The following GRM7 variants were observed in gnomAD, a reference collection of about 807,000 sequenced individuals.
GRM7 encodes glutamate metabotropic receptor 7.
Under a neutral mutation model 84.5 loss-of-function variants are expected in GRM7, and 35 were observed. The observed-to-expected ratio is 0.41, with a 90% CI of 0.32 to 0.55. The LOEUF (loss-of-function observed/expected upper bound fraction) is 0.55, where lower values mean the gene tolerates loss of function less well. GRM7 is among the 20% of genes least tolerant of loss of function. The pLI is 0.19. For missense variants in GRM7, 1,003 were observed against 1,194.6 expected (o/e 0.84, Z 2.36); for synonymous variants, 487 against 455.1 (o/e 1.07, Z -0.89).
At chr3:7,265,831 T>A (rs1005967766) in intron 2 of GRM7, among the ~76,000 whole-genome samples, 3 of 152,326 alleles carry the variant, frequency 2.0e-5, no homozygotes, top group African/African-American at 7.2e-5. Flanking sequence ...TCTTTTTCAG[T>A]TTCCACAAAT....
intron 4 of GRM7, among the ~76,000 whole-genome samples, chr3:7,370,343 A>C (rs1344352794): frequency 6.6e-6 from 1 of 152,116 alleles, no homozygotes; most frequent in East Asian, 1.9e-4. Context: ...ATATGGATCC[A>C]GATTGGAGAA....
At chr3:7,639,719 A>G (rs960643476) in intron 8 of GRM7, among the ~76,000 whole-genome samples, 29 of 152,180 alleles carry the variant, frequency 1.9e-4, no homozygotes, top group Non-Finnish European at 1.5e-4. Flanking sequence ...ATAATTTTAT[A>G]TATGTCATAA....
intron 2 of GRM7, among the ~76,000 whole-genome samples, chr3:7,154,129 T>G (rs1438540247): frequency 6.0e-4 from 91 of 152,338 alleles, no homozygotes; most frequent in Non-Finnish European, 5.9e-5. Context: ...TGGAAAATTG[T>G]CTTCCAAGCA....
intron 1 of GRM7, among the ~76,000 whole-genome samples, chr3:7,044,701 G>T (rs1377398653): frequency 6.6e-6 from 1 of 151,980 alleles, no homozygotes; most frequent in Non-Finnish European, 1.5e-5. Context: ...TGGAAATGTG[G>T]TGTAGTGCCG....
intron 7 of GRM7, among the ~76,000 whole-genome samples, chr3:7,559,941 C>T (rs1426934214): frequency 6.6e-6 from 1 of 152,010 alleles, no homozygotes; most frequent in African/African-American, 2.4e-5. Context: ...TTGTGGACAC[C>T]AGTTCTATTG....
intron 1 of GRM7, among the ~76,000 whole-genome samples, chr3:7,031,677 A>G (rs1225394830): frequency 2.0e-5 from 3 of 152,004 alleles, no homozygotes; most frequent in Non-Finnish European, 2.9e-5. Context: ...TTTTTTTATT[A>G]TACTTGTCAT....
chr3:6,869,581 G>GTCTATCTATCTATCTA (rs140514964), intron 1 of GRM7, among the ~76,000 whole-genome samples: 268 of 150,770 alleles, frequency 1.8e-3, no homozygotes, highest in Middle Eastern at 0.01. Context: ...CTATCTATCT[G>GTCTATCTATCTATCTA]TCTATCTATC....
intron 1 of GRM7, among the ~76,000 whole-genome samples, chr3:6,881,649 A>G (rs1266658173): frequency 1.3e-5 from 2 of 151,236 alleles, no homozygotes; most frequent in Non-Finnish European, 3.0e-5. Context: ...GATACTTCTC[A>G]AAAGAAGACA....
intron 1 of GRM7, among the ~76,000 whole-genome samples, chr3:6,985,519 A>G (rs1396823543): frequency 6.6e-6 from 1 of 152,154 alleles, no homozygotes; most frequent in African/African-American, 2.4e-5. Flanking sequence ...TTTCACAAAT[A>G]TGTTGTTTCA....
At chr3:7,362,625 T>G (rs936349403) in intron 4 of GRM7, among the ~76,000 whole-genome samples, 13 of 152,092 alleles carry the variant, frequency 8.5e-5, no homozygotes, top group Non-Finnish European at 1.8e-4. Context: ...CTATAACAAC[T>G]GCTCTTTAGC....
chr3:7,348,386 G>C (rs910206030), intron 4 of GRM7, among the ~76,000 whole-genome samples: 11 of 151,810 alleles, frequency 7.2e-5, no homozygotes, highest in Admixed American at 5.9e-4. Context: ...CTGATATCCT[G>C]CTTATATTTG....
rs568083681 is a variant in GRM7, at chr3:7,469,598, A to G, written c.1515+7876A>G. Among the ~76,000 whole-genome samples, 218 of 152,260 alleles carry G rather than the reference A, an allele frequency of 1.4e-3. 1 individual carries two copies. The highest frequency in any genetic ancestry group is 2.4e-3 in the Non-Finnish European group (162 of 68,008). On this transcript the variant is annotated intron_variant, in intron 7 of 9. Transcript: ENST00000357716. ...ACCTACTTCTCTACACTTTAATGCT[A>G]CATTACAGGAAGCATCAAAACAGGA...
At position 7,410,117 on chromosome 3, in the gene GRM7, G is replaced by GA. The variant is rs1695862307; in HGVS notation, c.1034-4903dup. Among the ~76,000 whole-genome samples, 5 of 152,188 alleles carry GA rather than the reference G, an allele frequency of 3.3e-5. No individual in the cohort carries two copies. The South Asian group carries it at 1.0e-3, about 32-fold the overall frequency. On this transcript the variant is annotated intron_variant, in intron 4 of 9. Transcript: ENST00000357716. ...AGGTTAAAGGCAGTCGGGTGGTGAG[G>GA]AAATACTGTAAGCTGAAGAGCTCAG... is the stretch of plus-strand genomic sequence containing the variant.
At chr3:7,411,178 A>C in intron 4 of GRM7, among the ~76,000 whole-genome samples, 1 of 152,206 alleles carries the variant, frequency 6.6e-6, no homozygotes, top group East Asian at 1.9e-4. Flanking sequence ...TCATCCTGTC[A>C]AGAGATCCCT....
chr3:7,088,947 C>G (rs1698560758), intron 1 of GRM7, among the ~76,000 whole-genome samples: 1 of 152,116 alleles, frequency 6.6e-6, no homozygotes, highest in Non-Finnish European at 1.5e-5. Flanking sequence ...ACAGAGCTCT[C>G]TTCAGTTCCC....
intron 7 of GRM7, among the ~76,000 whole-genome samples, chr3:7,547,304 T>G (rs1186935126): frequency 1.4e-5 from 2 of 147,534 alleles, no homozygotes; most frequent in Non-Finnish European, 3.0e-5. Context: ...CCCCCCGGGT[T>G]CACGCCATTC....
chr3:7,551,553 C>A (rs926047355), intron 7 of GRM7, among the ~76,000 whole-genome samples: 1 of 151,352 alleles, frequency 6.6e-6, no homozygotes, highest in African/African-American at 2.4e-5. Context: ...CTTTACAATT[C>A]TTGACATTTA....
At chr3:7,221,752 CTT>C (rs1180488642) in intron 2 of GRM7, among the ~76,000 whole-genome samples, 1 of 145,556 alleles carries the variant, frequency 6.9e-6, no homozygotes, top group Non-Finnish European at 1.5e-5. Flanking sequence ...TTTAGTTTCT[CTT>C]TTGTCTTGAG....
rs1464121370 is a variant in GRM7, at chr3:7,740,718, ACCG to A, written c.*313_*315del. 2 of 260,472 alleles carry A rather than the reference ACCG, an allele frequency of 7.7e-6. No individual in the cohort carries two copies. Among genetic ancestry groups the A allele is most frequent in the African/African-American group, 4.4e-5 (2 of 45,088 alleles). 16.1% of individuals were successfully genotyped at this position (260,472 alleles called of 1,614,324 possible). A position where few individuals can be genotyped will look rare whatever the true frequency, so the allele number is the denominator to read the frequency against. On this transcript the variant is annotated 3_prime_UTR_variant, in exon 10 of 10. Coordinates refer to ENST00000357716, the MANE Select transcript of GRM7 (RefSeq NM_000844.4). ...AGAATGGACCACTGAGAGCCACAGG[ACCG>A]TTTTGGGGCTGACCTGTCTTATTAC...
Sources: gnomAD v4.1 joint callset for allele counts (sites outside exome capture counted in the v4.1 genomes callset) on GRCh38, gnomAD v4.1.1 for gene constraint, MANE v1.5 for transcripts, NCBI Gene and HGNC (gene_info 2026-07-23, HGNC 2026-07-21) for gene names.